The following SGCZ variants were observed in gnomAD, a reference collection of about 807,000 sequenced individuals.
SGCZ encodes zeta-sarcoglycan.
In SGCZ, 40 loss-of-function variants were observed where a neutral mutation model predicts 41.3. The ratio of observed to expected loss-of-function variants is 0.97; its 90% CI spans 0.75 to 1.26. The LOEUF is 1.26. Among genes scored for constraint, SGCZ ranks in the 50% most tolerant of loss-of-function variants. SGCZ has a pLI of 0.00. For synonymous variants in SGCZ, 206 were observed against 137.5 expected, an observed-to-expected ratio of 1.50 and a Z score of -3.49; for missense variants, 552 against 369.8, an observed-to-expected ratio of 1.49 and a Z score of -4.04.
intron 1 of SGCZ, among the ~76,000 whole-genome samples, chr8:14,916,793 A>T (rs1799450807): frequency 6.6e-6 from 1 of 152,198 alleles, no homozygotes; most frequent in African/African-American, 2.4e-5. Flanking sequence ...ATCTACACTT[A>T]CGAGTATGTA....
At chr8:14,756,272 G>A (rs1021874190) in intron 1 of SGCZ, among the ~76,000 whole-genome samples, 6 of 145,406 alleles carry the variant, frequency 4.1e-5, no homozygotes, top group African/African-American at 1.0e-4. Flanking sequence ...CACAATCTCC[G>A]CCTCCCACGT....
chr8:14,105,645 T>C (rs1042057497), intron 6 of SGCZ, among the ~76,000 whole-genome samples: 1 of 152,122 alleles, frequency 6.6e-6, no homozygotes, highest in Admixed American at 6.5e-5. Flanking sequence ...AACACTTATC[T>C]TGGGGGTTGC....
chr8:14,104,255 C>G (rs1017432343), intron 6 of SGCZ, among the ~76,000 whole-genome samples: 5 of 152,064 alleles, frequency 3.3e-5, no homozygotes, highest in Admixed American at 6.6e-5. Flanking sequence ...AGCACTACAG[C>G]AAATATAGCA....
At chr8:14,317,802 T>C (rs1421146727) in intron 3 of SGCZ, among the ~76,000 whole-genome samples, 1 of 151,968 alleles carries the variant, frequency 6.6e-6, no homozygotes, top group Non-Finnish European at 1.5e-5. Flanking sequence ...TGCACCAACC[T>C]AACACAAAGA....
chr8:14,524,459 C>G (rs1471330110), intron 2 of SGCZ, among the ~76,000 whole-genome samples: 1 of 152,202 alleles, frequency 6.6e-6, no homozygotes, highest in African/African-American at 2.4e-5. Context: ...CTCAGTGATA[C>G]TGTAGTAGGG....
intron 1 of SGCZ, among the ~76,000 whole-genome samples, chr8:14,994,309 C>T (rs935096070): frequency 6.6e-6 from 1 of 152,008 alleles, no homozygotes; most frequent in Non-Finnish European, 1.5e-5. Flanking sequence ...GGGGGCTGGG[C>T]ATGGTGGCTC....
chr8:14,212,467 C>CAAAAAAA (rs33947419), intron 4 of SGCZ, among the ~76,000 whole-genome samples: 4 of 97,982 alleles, frequency 4.1e-5, no homozygotes, highest in African/African-American at 7.6e-5. Flanking sequence ...ATGCAAAAGA[C>CAAAAAAA]AAAAAAAAAA....
chr8:14,757,612 G>A (rs372744399), intron 1 of SGCZ, among the ~76,000 whole-genome samples: 2 of 152,142 alleles, frequency 1.3e-5, no homozygotes, highest in African/African-American at 4.8e-5. Context: ...GCCAGATCAA[G>A]TTGTTCTGAG....
At chr8:14,337,548 T>C (rs1291652305) in intron 2 of SGCZ, among the ~76,000 whole-genome samples, 2 of 152,074 alleles carry the variant, frequency 1.3e-5, no homozygotes, top group African/African-American at 4.8e-5. Context: ...ATGGGAAAAG[T>C]GATGACCCAG....
chr8:15,135,795 C>G (rs1340053362), intron 1 of SGCZ, among the ~76,000 whole-genome samples: 1 of 152,122 alleles, frequency 6.6e-6, no homozygotes, highest in Non-Finnish European at 1.5e-5. Flanking sequence ...TGGGGTTAGA[C>G]AGCAACTTTT....
intron 1 of SGCZ, among the ~76,000 whole-genome samples, chr8:14,869,703 C>A (rs764269392): frequency 6.6e-6 from 1 of 152,044 alleles, no homozygotes; most frequent in Non-Finnish European, 1.5e-5. Context: ...TTGTCTCAGC[C>A]CAAAATCTCT....
At chr8:15,035,936 G>A (rs531267623) in intron 1 of SGCZ, among the ~76,000 whole-genome samples, 5 of 151,694 alleles carry the variant, frequency 3.3e-5, no homozygotes, top group Admixed American at 1.3e-4. Flanking sequence ...TACTCAAACA[G>A]AAAATCAATA....
At position 14,087,186 on chromosome 8, in the gene SGCZ, A is replaced by G. The variant is rs976695959; in HGVS notation, c.*3257T>C. ...ACATATCATTCACAATAAAATATAT[A>G]TATTTTAGACATAAATGTGTGTATG... On this transcript the variant is annotated 3_prime_UTR_variant, in exon 8 of 8. Transcript: ENST00000382080. Among the ~76,000 whole-genome samples, 2 of 151,632 alleles carry G rather than the reference A, an allele frequency of 1.3e-5. No homozygotes were observed. The highest frequency in any genetic ancestry group is 1.9e-4 in the East Asian group (1 of 5,164).
intron 1 of SGCZ, among the ~76,000 whole-genome samples, chr8:14,969,785 C>T (rs549008550): frequency 6.6e-6 from 1 of 152,054 alleles, no homozygotes; most frequent in East Asian, 1.9e-4. Flanking sequence ...ATTCATTCAC[C>T]TGTTGATGGA....
At chr8:14,828,192 C>T (rs1199883595) in intron 1 of SGCZ, among the ~76,000 whole-genome samples, 1 of 152,058 alleles carries the variant, frequency 6.6e-6, no homozygotes, top group Non-Finnish European at 1.5e-5. Flanking sequence ...TTTATGGGAG[C>T]AATGCCCCAA....
At chr8:14,951,853 T>C (rs1417717320) in intron 1 of SGCZ, among the ~76,000 whole-genome samples, 1 of 152,112 alleles carries the variant, frequency 6.6e-6, no homozygotes, top group Non-Finnish European at 1.5e-5. Context: ...ACCTTTTTTA[T>C]ATTAACATTT....
At chr8:14,928,675 T>C (rs1293665913) in intron 1 of SGCZ, among the ~76,000 whole-genome samples, 2 of 152,194 alleles carry the variant, frequency 1.3e-5, no homozygotes, top group Admixed American at 6.5e-5. Context: ...CATTGTATCT[T>C]TGTTAAGAAC....
At chr8:14,397,148 AC>A (rs1264607852) in intron 2 of SGCZ, among the ~76,000 whole-genome samples, 1 of 152,142 alleles carries the variant, frequency 6.6e-6, no homozygotes, top group African/African-American at 2.4e-5. Flanking sequence ...AATTGGAGGT[AC>A]AAAATTCTGA....
At chr8:14,394,455 C>T in intron 2 of SGCZ, among the ~76,000 whole-genome samples, 1 of 152,090 alleles carries the variant, frequency 6.6e-6, no homozygotes. Context: ...AGCCCACTTC[C>T]CTACCTTCTA....
Sources: gnomAD v4.1 joint callset for allele counts (sites outside exome capture counted in the v4.1 genomes callset) on GRCh38, gnomAD v4.1.1 for gene constraint, MANE v1.5 for transcripts, NCBI Gene and HGNC (gene_info 2026-07-23, HGNC 2026-07-21) for gene names.